The following PARVG variants were observed in gnomAD, a reference collection of about 807,000 sequenced individuals.
PARVG encodes parvin gamma.
PARVG carries 36 observed loss-of-function variants against 44.4 expected under a neutral mutation model. The observed-to-expected ratio is 0.81, with a 90% confidence interval of 0.62 to 1.07. The LOEUF (loss-of-function observed/expected upper bound fraction) is 1.07. PARVG is among the 50% of genes least tolerant of loss of function. PARVG has a pLI of 0.00. For missense variants in PARVG, 407 were observed against 407.4 expected, an observed-to-expected ratio of 1.00 and a Z score of 0.01; for synonymous variants, 170 against 174.1, an observed-to-expected ratio of 0.98 and a Z score of 0.19.
At chr22:44,186,040 C>T (rs1278911958) in intron 4 of PARVG, 168 bp downstream of exon 4, 1 of 502,190 alleles carries the variant, frequency 2.0e-6, no homozygotes, top group African/African-American at 2.0e-5. Flanking sequence ...AAGTCACCCA[C>T]AGAGCCTGCA....
At chr22:44,193,926 T>G (rs2054584309) in intron 9 of PARVG, 103 bp downstream of exon 9, 1 of 1,403,920 alleles carries the variant, frequency 7.1e-7, no homozygotes, top group Non-Finnish European at 1.0e-6. Flanking sequence ...CTCATTTCCC[T>G]GTCACTTGCT....
At chr22:44,187,366 A>C (rs139135) in intron 4 of PARVG, 198,240 of 222,200 alleles carry the variant, frequency 0.89, 89,681 homozygotes, top group Non-Finnish European at 0.96. Flanking sequence ...AGGACCTCAG[A>C]AGGGGCACCT....
chr22:44,206,482 G>A lies in PARVG; in HGVS notation c.*56G>A. 1 of 1,508,220 alleles carries A rather than the reference G, an allele frequency of 6.6e-7. No individual in the cohort carries two copies. Among genetic ancestry groups the A allele is most frequent in the South Asian group, 1.1e-5 (1 of 88,910 alleles). The allele number at this position is 1,508,220 out of a possible 1,614,324, so 93.4% of individuals were successfully genotyped here. A position where few individuals can be genotyped will look rare whatever the true frequency, so the allele number is the denominator to read the frequency against. ...CTGTCAGCCCAGCTGGAGGGCCCGA[G>A]GCTGCAGGGTGTCCTCCCACAGTCC... On this transcript the variant is annotated 3_prime_UTR_variant, in exon 14 of 14. Coordinates refer to ENST00000444313, the MANE Select transcript of PARVG (RefSeq NM_022141.7).
At chr22:44,173,729 G>T (rs2054292561) in intron 1 of PARVG, among the ~76,000 whole-genome samples, 1 of 152,212 alleles carries the variant, frequency 6.6e-6, no homozygotes, top group South Asian at 2.1e-4. Flanking sequence ...GCCATTGTCA[G>T]CAGAGAGGGA....
At chr22:44,177,467 T>C (rs1211256109), upstream of PARVG, among the ~76,000 whole-genome samples, 2 of 152,220 alleles carry the variant, frequency 1.3e-5, no homozygotes, top group African/African-American at 4.8e-5. Flanking sequence ...GGACAAGGCA[T>C]TGAATGAGTT....
intron 12 of PARVG, among the ~76,000 whole-genome samples, chr22:44,200,026 A>T (rs2054684698): frequency 6.6e-6 from 1 of 152,128 alleles, no homozygotes; most frequent in African/African-American, 2.4e-5. Flanking sequence ...GTGAGCCTGC[A>T]AAGATGCAGC....
At chr22:44,203,050 A>T (rs1366247476) in intron 12 of PARVG, among the ~76,000 whole-genome samples, 1 of 152,174 alleles carries the variant, frequency 6.6e-6, no homozygotes. Context: ...GCATCATGAG[A>T]TAGCTCTGGA....
intron 7 of PARVG, 105 bp from the exon 8 acceptor site, chr22:44,191,944 G>A (rs1413206652): frequency 7.8e-7 from 1 of 1,288,532 alleles, no homozygotes; most frequent in African/African-American, 1.5e-5. Flanking sequence ...TTAAGCCAGA[G>A]GCTGTCCTGA....
At chr22:44,174,477 T>C (rs1391310629) in intron 1 of PARVG, among the ~76,000 whole-genome samples, 1 of 149,926 alleles carries the variant, frequency 6.7e-6, no homozygotes, top group Non-Finnish European at 1.5e-5. Flanking sequence ...GAGGCCGAGG[T>C]GGGCTGATCA....
At chr22:44,176,294 A>T (rs1334804890), upstream of PARVG, among the ~76,000 whole-genome samples, 4 of 152,190 alleles carry the variant, frequency 2.6e-5, no homozygotes, top group Admixed American at 2.6e-4. Flanking sequence ...CCAGCTCTAA[A>T]TTACTTATGA....
intron 7 of PARVG, among the ~76,000 whole-genome samples, chr22:44,190,906 C>A (rs912027806): frequency 6.6e-6 from 1 of 152,194 alleles, no homozygotes; most frequent in Non-Finnish European, 1.5e-5. Flanking sequence ...CCACGGCTGG[C>A]CAGCTCCACT....
At chr22:44,205,927 G>A (rs990935470) in intron 13 of PARVG, 98 bp downstream of exon 13, 39 of 1,385,014 alleles carry the variant, frequency 2.8e-5, no homozygotes, top group Admixed American at 1.6e-4. Flanking sequence ...GGATGAGCAC[G>A]CATTGGCAGA....
chr22:44,177,606 G>C (rs1040992752), upstream of PARVG, among the ~76,000 whole-genome samples: 1 of 152,132 alleles, frequency 6.6e-6, no homozygotes, highest in African/African-American at 2.4e-5. Context: ...GATTGATCTA[G>C]TATTTTCCTC....
chr22:44,182,998 T>C lies in PARVG; in HGVS notation c.-12-320T>C. On this transcript the variant is annotated intron_variant, in intron 2 of 13. Transcript: ENST00000444313. This position sits in a 1 kb window ranked among gnomAD's most constrained non-coding sequence, Gnocchi z 4.6. Reference sequence around the variant, plus strand: ...TGGGATAGGGTGGGGGGTCCCTGGGTAGGGGGCTGGGGGCTGCAGGAGCAC... The same window carrying C: ...TGGGATAGGGTGGGGGGTCCCTGGGCAGGGGGCTGGGGGCTGCAGGAGCAC... 2.8e-6 allele frequency: 1 copy of C among 355,426 alleles called. No homozygotes were observed. Among genetic ancestry groups the C allele is most frequent in the Non-Finnish European group, 5.1e-6 (1 of 195,192 alleles). The allele number at this position is 355,426 out of a possible 1,614,324, so 22.0% of individuals were successfully genotyped here.
At chr22:44,193,947 C>G (rs1406450176) in intron 9 of PARVG, 124 bp downstream of exon 9, 28 of 1,257,720 alleles carry the variant, frequency 2.2e-5, no homozygotes, top group Non-Finnish European at 3.1e-5. Flanking sequence ...GTTTGTATCT[C>G]AAGCCTCATT....
Position 44,196,175 on chromosome 22 carries a change from T to C in PARVG, c.604T>C (p.Phe202Leu). The change falls in exon 10 of 14, where the codon TTT (phenylalanine) becomes CTT (leucine). Residue 202 changes from phenylalanine (F) to leucine (L), a missense_variant. Physicochemically the swap from Phe to Leu is conservative, Grantham distance 22. Transcript: ENST00000444313. ...TGCAGAGGACGTCTTTGATGAATTA[T>C]TTAAGCTGGCTCCGGAGAAAGTGAA... is the stretch of plus-strand genomic sequence containing the variant. ...EPPKDVFDEL[F>L]KLAPEKVNAV... is the part of the protein sequence containing the mutation. 6.2e-7 allele frequency: 1 copy of C among 1,614,192 alleles called. No individual in the cohort carries two copies. Among genetic ancestry groups the C allele is most frequent in the South Asian group, 1.1e-5 (1 of 91,080 alleles).
In PARVG at chr22:44,200,825, C is replaced by T. The variant is rs141145613; in HGVS notation, c.813+2103C>T. On this transcript the variant is annotated intron_variant, in intron 12 of 13. Transcript: ENST00000444313. ...TCTGGGGCCCAGTAGCAGGTGAGGT[C>T]CCCCCTGGACCCCTACCAGACTCCC... is the stretch of plus-strand genomic sequence containing the variant. 1.3e-3 allele frequency among the ~76,000 whole-genome samples: 200 copies of T among 152,168 alleles called. 1 individual carries two copies. Among genetic ancestry groups the T allele is most frequent in the African/African-American group, 4.4e-3 (181 of 41,524 alleles).
chr22:44,200,576 C>A, intron 12 of PARVG, among the ~76,000 whole-genome samples: 1 of 152,198 alleles, frequency 6.6e-6, no homozygotes, highest in Admixed American at 6.5e-5. Flanking sequence ...GGATCCCGGG[C>A]AGCCAGCTTA....
intron 1 of PARVG, among the ~76,000 whole-genome samples, chr22:44,173,655 A>G (rs112235418): frequency 0.026 from 4,014 of 152,266 alleles, 182 homozygotes; most frequent in African/African-American, 0.092. Context: ...CGGGGAGCGA[A>G]GTAATCCACA....
Sources: allele counts gnomAD v4.1 joint callset (sites outside exome capture counted in the v4.1 genomes callset), GRCh38; gene constraint gnomAD v4.1.1; non-coding constraint Gnocchi (gnomAD v3.1); transcripts MANE v1.5; gene names NCBI Gene and HGNC (gene_info 2026-07-23, HGNC 2026-07-21).